LPGAT1: variants seen among roughly 807,000 people sequenced by gnomAD.
LPGAT1 encodes the protein lysophosphatidylglycerol acyltransferase 1.
Under a neutral mutation model 47.5 loss-of-function variants are expected in LPGAT1, and 11 were observed. The observed-to-expected ratio is 0.23, with a 90% CI of 0.15 to 0.38. The LOEUF (loss-of-function observed/expected upper bound fraction) is 0.38. Ranked by LOEUF, LPGAT1 falls within the 10% of genes least tolerant of loss-of-function variation. The pLI is 1.00. For missense variants in LPGAT1, 293 were observed against 439.0 expected, an observed-to-expected ratio of 0.67 and a Z score of 2.97; for synonymous variants, 138 against 144.2, an observed-to-expected ratio of 0.96 and a Z score of 0.31.
In LPGAT1 at chr1:211,829,321, T is replaced by C. The variant is rs1478542903; in HGVS notation, c.-25A>G. On this transcript the variant is annotated splice_region_variant and 5_prime_UTR_variant, in exon 2 of 8. Coordinates refer to ENST00000366997, the MANE Select transcript of LPGAT1 (RefSeq NM_014873.3). ...TTCTCACACTGGACTCCGTCCTGTC[T>C]TTCTGGGGTGAAAGAAAAATTCACT... 1.2e-6 allele frequency: 2 copies of C among 1,610,106 alleles called. No homozygotes were observed. The highest frequency in any genetic ancestry group is 1.7e-5 in the Admixed American group (1 of 59,302).
chr1:211,783,529 G>A (rs776096483), intron 4 of LPGAT1, 27 bp from the exon 5 acceptor site: 3 of 1,569,464 alleles, frequency 1.9e-6, no homozygotes, highest in Admixed American at 1.8e-5. Flanking sequence ...CACGTAATAA[G>A]TACAGGTATA....
intron 2 of LPGAT1, among the ~76,000 whole-genome samples, chr1:211,797,448 G>C (rs1427761343): frequency 1.3e-5 from 2 of 151,490 alleles, no homozygotes; most frequent in East Asian, 3.9e-4. Context: ...AAATTATCCT[G>C]AGGTAGCAAT....
chr1:211,779,281 G>GC (rs891857292), intron 5 of LPGAT1, among the ~76,000 whole-genome samples: 15 of 152,088 alleles, frequency 9.9e-5, no homozygotes, highest in African/African-American at 3.4e-4. Flanking sequence ...TACTGGACAT[G>GC]CACCATTCAA....
chr1:211,765,234 T>C (rs1435148624), intron 6 of LPGAT1, among the ~76,000 whole-genome samples: 1 of 152,232 alleles, frequency 6.6e-6, no homozygotes, highest in Admixed American at 6.5e-5. Context: ...ATAAAAATTC[T>C]CATATGCTTC....
intron 2 of LPGAT1, among the ~76,000 whole-genome samples, chr1:211,799,189 T>G (rs942908458): frequency 1.3e-5 from 2 of 152,072 alleles, no homozygotes; most frequent in Non-Finnish European, 2.9e-5. Context: ...AGGTTAAAAT[T>G]TGAGAAAGCA....
At chr1:211,791,125 A>G (rs1659094500) in intron 3 of LPGAT1, among the ~76,000 whole-genome samples, 1 of 152,146 alleles carries the variant, frequency 6.6e-6, no homozygotes. Context: ...ATTTTTCCAC[A>G]TTCCAGTGAG....
intron 2 of LPGAT1, among the ~76,000 whole-genome samples, chr1:211,807,940 TA>T (rs962956123): frequency 6.6e-6 from 1 of 152,082 alleles, no homozygotes; most frequent in Non-Finnish European, 1.5e-5. Flanking sequence ...CCAATTTTTT[TA>T]AAAAAATCAA....
intron 2 of LPGAT1, among the ~76,000 whole-genome samples, chr1:211,809,708 T>C (rs754569216): frequency 6.6e-6 from 1 of 152,184 alleles, no homozygotes; most frequent in Non-Finnish European, 1.5e-5. Flanking sequence ...CCTGCCGCCA[T>C]GTAAGACATG....
At chr1:211,763,864 C>T (rs1571702523) in intron 6 of LPGAT1, among the ~76,000 whole-genome samples, 3 of 152,176 alleles carry the variant, frequency 2.0e-5, no homozygotes, top group African/African-American at 4.8e-5. Context: ...CTTCTCCTCT[C>T]CTAGATAATT....
At position 211,748,300 on chromosome 1, in the gene LPGAT1, G is replaced by A. The variant is rs537722754; in HGVS notation, c.*1599C>T. On this transcript the variant is annotated 3_prime_UTR_variant, in exon 8 of 8. Coordinates refer to ENST00000366997, the MANE Select transcript of LPGAT1 (RefSeq NM_014873.3). ...AGTACCAGCACTTTTGGAGAAGGGT[G>A]TGGTTCTCTTATGAGGTAAATTGTA... The A allele has an allele frequency of 1.3e-4, 20 of 152,654 alleles. No individual in the cohort carries two copies. Among genetic ancestry groups the A allele is most frequent in the African/African-American group, 4.6e-4 (19 of 41,566 alleles). The allele number at this position is 152,654 out of a possible 1,614,324, so 9.5% of individuals were successfully genotyped here.
At chr1:211,829,008 T>C (rs750713002) in intron 2 of LPGAT1, 51 bp downstream of exon 2, 10 of 1,589,994 alleles carry the variant, frequency 6.3e-6, no homozygotes, top group African/African-American at 2.7e-5. Flanking sequence ...TTAATCATGG[T>C]TCCTGACAAA....
chr1:211,808,716 T>C (rs916416421), intron 2 of LPGAT1, among the ~76,000 whole-genome samples: 3 of 145,440 alleles, frequency 2.1e-5, no homozygotes, highest in African/African-American at 8.6e-5. Flanking sequence ...AACCCACTTC[T>C]GGATATTTAC....
chr1:211,783,547 T>C (rs1447507403), intron 4 of LPGAT1, 45 bp from the exon 5 acceptor site: 3 of 1,498,780 alleles, frequency 2.0e-6, no homozygotes, highest in South Asian at 1.3e-5. Flanking sequence ...ATATCCAAAA[T>C]TAAAATGCCA....
chr1:211,815,501 C>T (rs1660139696), intron 2 of LPGAT1, among the ~76,000 whole-genome samples: 1 of 152,164 alleles, frequency 6.6e-6, no homozygotes. Context: ...TCCACACGGT[C>T]TCCTGGCCAC....
At chr1:211,829,447 T>TAC (rs1660648923) in intron 1 of LPGAT1, 124 bp from the exon 2 acceptor site, 1 of 1,457,248 alleles carries the variant, frequency 6.9e-7, no homozygotes, top group South Asian at 1.4e-5. Context: ...CCGGGTGTAG[T>TAC]ACCTCGGTGA....
chr1:211,755,821 C>T (rs6699292), intron 6 of LPGAT1, among the ~76,000 whole-genome samples: 148,604 of 152,364 alleles, frequency 0.98, 72,483 homozygotes, highest in East Asian at 1. Flanking sequence ...TTCTTAATAA[C>T]CTTCTATCTC....
intron 6 of LPGAT1, among the ~76,000 whole-genome samples, chr1:211,776,091 A>C (rs1658388783): frequency 6.6e-6 from 1 of 151,310 alleles, no homozygotes; most frequent in Admixed American, 6.6e-5. Flanking sequence ...TAGGCTTCTC[A>C]TGCTTGTCAG....
intron 5 of LPGAT1, among the ~76,000 whole-genome samples, chr1:211,782,779 C>T (rs1034015854): frequency 1.3e-5 from 2 of 151,926 alleles, no homozygotes; most frequent in African/African-American, 4.8e-5. Flanking sequence ...ACAAGAAAAA[C>T]CCCAGAAAAC....
intron 2 of LPGAT1, among the ~76,000 whole-genome samples, chr1:211,823,397 T>C (rs1037160365): frequency 2.0e-5 from 3 of 152,124 alleles, no homozygotes; most frequent in African/African-American, 7.2e-5. Flanking sequence ...TTCAAAGGAA[T>C]TCAAATTCCT....
Sources: gnomAD v4.1 joint callset for allele counts (sites outside exome capture counted in the v4.1 genomes callset) on GRCh38, gnomAD v4.1.1 for gene constraint, MANE v1.5 for transcripts, NCBI Gene and HGNC (gene_info 2026-07-23, HGNC 2026-07-21) for gene names.